The following SLC26A4 variants were observed in gnomAD, a reference collection of about 807,000 sequenced individuals.
The protein encoded by SLC26A4 is solute carrier family 26 member 4.
A neutral mutation model predicts 90.4 loss-of-function variants in SLC26A4; 93 were observed. The ratio of observed to expected loss-of-function variants is 1.03; its 90% CI spans 0.87 to 1.22. SLC26A4 has a LOEUF of 1.22. Among genes scored for constraint, SLC26A4 ranks in the 50% most tolerant of loss-of-function variants. The pLI is 0.00. For missense variants in SLC26A4, 1,127 were observed against 946.2 expected, an observed-to-expected ratio of 1.19 and a Z score of -2.51; for synonymous variants, 393 against 354.6, an observed-to-expected ratio of 1.11 and a Z score of -1.22.
At chr7:107,679,109 T>C (rs1791105012) in intron 6 of SLC26A4, among the ~76,000 whole-genome samples, 1 of 152,212 alleles carries the variant, frequency 6.6e-6, no homozygotes, top group Non-Finnish European at 1.5e-5. Flanking sequence ...GAAGGGAGAA[T>C]GACAGGGTAT....
rs775355598 is a variant in SLC26A4, at chr7:107,712,603, A to C, written c.2300A>C (p.Glu767Ala). 2 of 1,569,638 alleles carry C rather than the reference A, an allele frequency of 1.3e-6. No individual in the cohort carries two copies. Among genetic ancestry groups the C allele is most frequent in the Non-Finnish European group, 1.8e-6 (2 of 1,139,536 alleles). Residue 767 changes from glutamate to alanine, a missense_variant, in exon 20 of 21, where the codon GAA (glutamate) becomes GCA (alanine). Transcript: ENST00000644269. Reference sequence around the variant, plus strand: ...ATAGAAACAGAGCTGACGGAAGAAGAACTTGATGTCCAGGATGAGGTATGA... The same window carrying C: ...ATAGAAACAGAGCTGACGGAAGAAGCACTTGATGTCCAGGATGAGGTATGA... Reference protein sequence around the residue: ...ELIETELTEEELDVQDEAMRT... With the variant: ...ELIETELTEEALDVQDEAMRT...
In SLC26A4 at chr7:107,674,313, G is replaced by T. The variant is rs35045430; in HGVS notation, c.565G>T (p.Ala189Ser). 1,010 of 1,613,874 alleles carry T rather than the reference G, an allele frequency of 6.3e-4. 9 individuals are homozygous for T. In the African/African-American group the frequency reaches 0.012, roughly 20 times the overall value. ...AARDTARVLI[A>S]SALTLLVGII... Reference sequence around the variant, plus strand: ...TAGAGATACAGCTAGAGTCCTGATTGCCAGTGCCCTGACTCTGCTGGTTGG... The same window carrying T: ...TAGAGATACAGCTAGAGTCCTGATTTCCAGTGCCCTGACTCTGCTGGTTGG... The change falls in exon 5 of 21, where the codon GCC becomes TCC. Residue 189 changes from alanine to serine, a missense_variant. Physicochemically the swap from Ala to Ser is moderately conservative, Grantham distance 99. Transcript: ENST00000644269.
Position 107,696,135 on chromosome 7 carries a change from C to T in SLC26A4, c.1544+96C>T, listed in dbSNP as rs75172651. Reference sequence around the variant, plus strand: ...TAAATATAGTGAAGCCACTTTCTTTCGTTATAGTTACTGTATATTGAGTGC... The same window carrying T: ...TAAATATAGTGAAGCCACTTTCTTTTGTTATAGTTACTGTATATTGAGTGC... On this transcript the variant is annotated intron_variant, in intron 13 of 20. Coordinates refer to ENST00000644269, the MANE Select transcript of SLC26A4 (RefSeq NM_000441.2). The T allele has an allele frequency of 7.4e-4, 595 of 801,640 alleles. 2 individuals are homozygous for T. In the East Asian group the frequency reaches 0.012, roughly 17 times the overall value. 49.7% of individuals were successfully genotyped at this position (801,640 alleles called of 1,614,324 possible).
chr7:107,675,204 AC>A, intron 6 of SLC26A4, 95 bp downstream of exon 6: 1 of 1,231,566 alleles, frequency 8.1e-7, no homozygotes, highest in Non-Finnish European at 1.2e-6. Context: ...GGTGGCTCAC[AC>A]CTGTAATCCC....
chr7:107,664,919 G>A (rs986526852), intron 3 of SLC26A4, among the ~76,000 whole-genome samples: 1 of 152,170 alleles, frequency 6.6e-6, no homozygotes, highest in Non-Finnish European at 1.5e-5. Flanking sequence ...CACCTAATAT[G>A]TTCCAGGCAC....
chr7:107,686,790 T>C (rs532344703), intron 8 of SLC26A4, among the ~76,000 whole-genome samples: 39 of 152,252 alleles, frequency 2.6e-4, no homozygotes, highest in African/African-American at 8.7e-4. Context: ...TCAGGTTTCC[T>C]AGGATGTATC....
chr7:107,683,955 A>G (rs373081951), intron 8 of SLC26A4, among the ~76,000 whole-genome samples: 134 of 152,344 alleles, frequency 8.8e-4, no homozygotes, highest in South Asian at 1.7e-3. Context: ...GATAATAATT[A>G]TATCCTCGTA....
In SLC26A4 at chr7:107,675,047, C is replaced by T. The variant is rs2129311961; in HGVS notation, c.703C>T (p.Gln235Ter). Reference sequence around the variant, plus strand: ...TGCTGCCTTCCAAGTGCTGGTCTCACAGCTAAAGATTGTCCTCAATGTTTC... The same window carrying T: ...TGCTGCCTTCCAAGTGCTGGTCTCATAGCTAAAGATTGTCCTCAATGTTTC... ...TAAAFQVLVS[Q>*]LKIVLNVSTK... is the part of the protein sequence containing the mutation. The change falls in exon 6 of 21, where the codon CAG becomes TAG. Residue 235 changes from glutamine (Q) to a stop codon, truncating the protein, a stop_gained. Coordinates refer to ENST00000644269, the MANE Select transcript of SLC26A4 (RefSeq NM_000441.2). LOFTEE classifies it high-confidence loss of function. 6.2e-7 allele frequency: 1 copy of T among 1,614,054 alleles called. No homozygotes were observed. The highest frequency in any genetic ancestry group is 8.5e-7 in the Non-Finnish European group (1 of 1,179,948).
At chr7:107,683,172 G>A (rs779385382) in intron 6 of SLC26A4, 30 bp from the exon 7 acceptor site, 6 of 1,572,284 alleles carry the variant, frequency 3.8e-6, no homozygotes, top group Non-Finnish European at 5.2e-6. Flanking sequence ...GTAGCAGCAG[G>A]AAGTATATAA....
rs762789930 is a variant in SLC26A4, at chr7:107,672,124, G to A, written c.305-14G>A. On this transcript the variant is annotated splice_polypyrimidine_tract_variant and intron_variant, in intron 3 of 20. Transcript: ENST00000644269. The stretch of plus-strand genomic sequence containing the variant: ...TTTGGTTTGTGAATGTAATCACTTT[G>A]CATGTGCTTTCAGGGATGGCATATG... 1.3e-6 allele frequency: 2 copies of A among 1,512,452 alleles called. No individual in the cohort carries two copies. Among genetic ancestry groups the A allele is most frequent in the Non-Finnish European group, 1.8e-6 (2 of 1,087,424 alleles). The allele number at this position is 1,512,452 out of a possible 1,614,324, so 93.7% of individuals were successfully genotyped here. A position where few individuals can be genotyped will look rare whatever the true frequency, so the allele number is the denominator to read the frequency against.
At chr7:107,690,290 C>A (rs944887032) in intron 10 of SLC26A4, 53 bp downstream of exon 10, 3 of 1,094,528 alleles carry the variant, frequency 2.7e-6, no homozygotes, top group Non-Finnish European at 4.2e-6. Context: ...CGAGGAATGG[C>A]AACAGAGGAA....
At position 107,715,438 on chromosome 7, in the gene SLC26A4, G is replaced by T; in HGVS notation, c.2335G>T (p.Ala779Ser). The change falls in exon 21 of 21, where the codon GCA becomes TCA. Residue 779 changes from alanine (A) to serine (S), a missense_variant. Coordinates refer to ENST00000644269, the MANE Select transcript of SLC26A4 (RefSeq NM_000441.2). Reference sequence around the variant, plus strand: ...GCTTCCACAGGCTATGCGTACACTTGCATCCTGAAAGTGGGTTCGGGAGGT... The same window carrying T: ...GCTTCCACAGGCTATGCGTACACTTTCATCCTGAAAGTGGGTTCGGGAGGT... Reference protein sequence around the residue: ...DVQDEAMRTLAS With the variant: ...DVQDEAMRTLSS 6.2e-7 allele frequency: 1 copy of T among 1,613,170 alleles called. No homozygotes were observed. The highest frequency in any genetic ancestry group is 8.5e-7 in the Non-Finnish European group (1 of 1,179,130).
At chr7:107,690,009 C>T (rs925927819) in intron 9 of SLC26A4, 115 bp from the exon 10 acceptor site, 32 of 770,872 alleles carry the variant, frequency 4.2e-5, no homozygotes, top group Non-Finnish European at 9.5e-6. Flanking sequence ...TAAATTGGAC[C>T]ACCACGCAGA....
At position 107,715,403 on chromosome 7, in the gene SLC26A4, T is replaced by C; in HGVS notation, c.2320-20T>C. 1 of 1,609,910 alleles carries C rather than the reference T, an allele frequency of 6.2e-7. No homozygotes were observed. ...AGAATTCAGTTGTATCAACACTTTG[T>C]TTTCCCCTTGCTTCCACAGGCTATG... On this transcript the variant is annotated intron_variant, in intron 20 of 20. Transcript: ENST00000644269.
chr7:107,665,464 G>T (rs1436499823), intron 3 of SLC26A4, among the ~76,000 whole-genome samples: 1 of 152,144 alleles, frequency 6.6e-6, no homozygotes, highest in Non-Finnish European at 1.5e-5. Context: ...CTGTGACATG[G>T]TGACACCCTG....
At chr7:107,680,960 A>G (rs575428940) in intron 6 of SLC26A4, among the ~76,000 whole-genome samples, 1 of 152,168 alleles carries the variant, frequency 6.6e-6, no homozygotes, top group Non-Finnish European at 1.5e-5. Flanking sequence ...AAAACTGATT[A>G]TGTAAAGGAC....
At chr7:107,711,957 C>T (rs1480699065) in intron 19 of SLC26A4, among the ~76,000 whole-genome samples, 1 of 152,154 alleles carries the variant, frequency 6.6e-6, no homozygotes, top group African/African-American at 2.4e-5. Context: ...TTTGGAGTTG[C>T]TTTGAAAATG....
rs1060499808 is a variant in SLC26A4 at position 107,704,344 on chromosome 7, T to C, written c.2048T>C (p.Phe683Ser). ...VRSLRVIVKE[F>S]QRIDVNVYFA... ...TTTTATTTTTAGATTGTCAAAGAAT[T>C]CCAAAGAATTGATGTGAATGTGTAT... The change falls in exon 18 of 21, where the codon TTC (phenylalanine) becomes TCC (serine). Residue 683 changes from phenylalanine to serine, a missense_variant. Coordinates refer to ENST00000644269, the MANE Select transcript of SLC26A4 (RefSeq NM_000441.2). 7 of 1,380,806 alleles carry C rather than the reference T, an allele frequency of 5.1e-6. No homozygotes were observed. Among genetic ancestry groups the C allele is most frequent in the Non-Finnish European group, 7.2e-6 (7 of 971,600 alleles). The allele number at this position is 1,380,806 out of a possible 1,614,324, so 85.5% of individuals were successfully genotyped here.
At chr7:107,701,039 A>C in intron 15 of SLC26A4, 62 bp from the exon 16 acceptor site, 1 of 954,554 alleles carries the variant, frequency 1.0e-6, no homozygotes, top group Non-Finnish European at 1.7e-6. Context: ...TCCAGATAAC[A>C]GTTGCCATTA....
Sources: allele counts gnomAD v4.1 joint callset (sites outside exome capture counted in the v4.1 genomes callset), GRCh38; gene constraint gnomAD v4.1.1; transcripts MANE v1.5; gene names NCBI Gene and HGNC (gene_info 2026-07-23, HGNC 2026-07-21).